Variants in ERBIN observed in about 807,000 individuals in gnomAD.
The protein encoded by ERBIN is densin-180-like protein.
Under a neutral mutation model 158.4 loss-of-function variants are expected in ERBIN, and 60 were observed. The observed-to-expected ratio is 0.38, with a 90% CI of 0.31 to 0.47. The LOEUF is 0.47. Ranked by LOEUF, ERBIN falls within the 20% of genes least tolerant of loss-of-function variation. The pLI, the probability that ERBIN is intolerant of heterozygous loss-of-function variation, is 0.99. For missense variants in ERBIN, 1,610 were observed against 1,648.0 expected (o/e 0.98, Z 0.40); for synonymous variants, 594 against 557.2 (o/e 1.07, Z -0.93).
Position 66,072,150 on chromosome 5 carries a change from T to C in ERBIN, c.3634-19T>C. ...CTTAAAGAACATTATTTGTTTACTT[T>C]TTATTTCCTGCTCATTAGAAGCATC... On this transcript the variant is annotated intron_variant, in intron 21 of 25. Transcript: ENST00000284037. The C allele has an allele frequency of 1.3e-6, 2 of 1,545,736 alleles. No individual in the cohort carries two copies. The highest frequency in any genetic ancestry group is 1.7e-6 in the Non-Finnish European group (2 of 1,145,176).
chr5:66,044,713 C>G (rs1240393384), intron 17 of ERBIN, among the ~76,000 whole-genome samples: 1 of 151,370 alleles, frequency 6.6e-6, no homozygotes, highest in African/African-American at 2.4e-5. Context: ...TGCAGTGAGC[C>G]GAGATCGTAC....
chr5:65,944,236 C>T (rs1745460721), intron 1 of ERBIN, among the ~76,000 whole-genome samples: 1 of 138,542 alleles, frequency 7.2e-6, no homozygotes, highest in Non-Finnish European at 1.5e-5. Context: ...AAGGAACCAC[C>T]ATATTGTTTT....
At chr5:65,985,381 C>T (rs1477696203) in intron 1 of ERBIN, among the ~76,000 whole-genome samples, 4 of 152,256 alleles carry the variant, frequency 2.6e-5, no homozygotes, top group African/African-American at 4.8e-5. Flanking sequence ...TGAGCCACCA[C>T]GCCCGGCCCG....
In ERBIN at chr5:66,079,265, A is replaced by G. The variant is rs1229558970; in HGVS notation, c.*735A>G. 1 of 152,472 alleles carries G rather than the reference A, an allele frequency of 6.6e-6. No homozygotes were observed. Among genetic ancestry groups the G allele is most frequent in the African/African-American group, 2.4e-5 (1 of 41,408 alleles). The allele number at this position is 152,472 out of a possible 1,614,324, so 9.4% of individuals were successfully genotyped here. A position where few individuals can be genotyped will look rare whatever the true frequency, so the allele number is the denominator to read the frequency against. On this transcript the variant is annotated 3_prime_UTR_variant, in exon 26 of 26. Coordinates refer to ENST00000284037, the MANE Select transcript of ERBIN (RefSeq NM_001253697.2). ...TCTGTTCTTGTCATAGCCATTGACT[A>G]TACATTTGCTACTGGTGATTCAGTT...
chr5:65,987,510 C>T (rs1435087506), intron 1 of ERBIN, among the ~76,000 whole-genome samples: 3 of 151,848 alleles, frequency 2.0e-5, no homozygotes, highest in East Asian at 1.9e-4. Flanking sequence ...TGAAGTGAGC[C>T]GTGATTGTGC....
intron 21 of ERBIN, among the ~76,000 whole-genome samples, chr5:66,062,770 C>T (rs1322268895): frequency 6.6e-6 from 1 of 152,202 alleles, no homozygotes; most frequent in Non-Finnish European, 1.5e-5. Context: ...TCACAACCCT[C>T]AGCTGCAGGT....
At chr5:66,017,541 T>C (rs921772396) in intron 7 of ERBIN, among the ~76,000 whole-genome samples, 1 of 150,070 alleles carries the variant, frequency 6.7e-6, no homozygotes, top group Non-Finnish European at 1.5e-5. Context: ...TTTTTGCTAT[T>C]GATTTGTTGA....
At chr5:66,042,850 C>T (rs79990014) in intron 15 of ERBIN, among the ~76,000 whole-genome samples, 2,643 of 152,114 alleles carry the variant, frequency 0.017, 73 homozygotes, top group African/African-American at 0.059. Context: ...CAAGACGAAT[C>T]AGCTTCAGGG....
intron 14 of ERBIN, among the ~76,000 whole-genome samples, chr5:66,031,122 A>G (rs965645301): frequency 2.0e-5 from 3 of 152,190 alleles, no homozygotes; most frequent in Non-Finnish European, 4.4e-5. Context: ...ATATGAAGCA[A>G]TAATTTTGCT....
intron 1 of ERBIN, among the ~76,000 whole-genome samples, chr5:65,929,675 C>T (rs979284941): frequency 7.5e-6 from 1 of 132,662 alleles, no homozygotes; most frequent in Admixed American, 8.4e-5. Context: ...GAGTCTTGCT[C>T]TGTTGCCTAG....
At chr5:66,025,705 C>T in intron 11 of ERBIN, 143 bp from the exon 12 acceptor site, 1 of 850,132 alleles carries the variant, frequency 1.2e-6, no homozygotes, top group Non-Finnish European at 1.8e-6. Flanking sequence ...ATAGACAAAC[C>T]TACTTATTGG....
intron 21 of ERBIN, among the ~76,000 whole-genome samples, chr5:66,069,204 G>A (rs1314262805): frequency 6.6e-6 from 1 of 152,150 alleles, no homozygotes; most frequent in African/African-American, 2.4e-5. Flanking sequence ...TATCTCCTGA[G>A]TTTCTTTGGT....
In ERBIN at chr5:65,965,220, T is replaced by TTGGGTTC. The variant is rs1248710689; in HGVS notation, c.-57-23412_-57-23406dup. ...TTTATAAGGTGGGTACTTGGTCTGT[T>TTGGGTTC]TGGGTTCTGTGATGTCATCTTACAT... On this transcript the variant is annotated intron_variant, in intron 1 of 25. Transcript: ENST00000284037. 3.9e-5 allele frequency among the ~76,000 whole-genome samples: 6 copies of TTGGGTTC among 151,994 alleles called. No individual in the cohort carries two copies. The South Asian group carries it at 6.2e-4, about 16-fold the overall frequency.
At chr5:66,010,084 A>C (rs1038293747) in intron 4 of ERBIN, among the ~76,000 whole-genome samples, 1 of 152,024 alleles carries the variant, frequency 6.6e-6, no homozygotes, top group Non-Finnish European at 1.5e-5. Flanking sequence ...TGACATCCTC[A>C]CAAACACTTG....
chr5:65,979,847 TAAC>T (rs1050729155), intron 1 of ERBIN, among the ~76,000 whole-genome samples: 17 of 152,146 alleles, frequency 1.1e-4, no homozygotes, highest in African/African-American at 4.1e-4. Context: ...AAGACAAAAA[TAAC>T]AATGTATTAT....
chr5:66,050,973 G>A lies in ERBIN; in HGVS notation c.2087+7G>A. 1.3e-6 allele frequency: 2 copies of A among 1,584,614 alleles called. No individual in the cohort carries two copies. The highest frequency in any genetic ancestry group is 1.7e-6 in the Non-Finnish European group (2 of 1,165,860). ...ATATTAATTCCAAAATCAGGTGTGT[G>A]AACCTCTTTTACAGTTTTTTATTTA... On this transcript the variant is annotated splice_region_variant and intron_variant, in intron 20 of 25. Transcript: ENST00000284037.
In ERBIN at chr5:65,969,856, T is replaced by G. The variant is rs1443793418; in HGVS notation, c.-57-18779T>G. 2.0e-5 allele frequency among the ~76,000 whole-genome samples: 3 copies of G among 152,216 alleles called. No homozygotes were observed. The East Asian group carries it at 5.8e-4, about 29-fold the overall frequency. On this transcript the variant is annotated intron_variant, in intron 1 of 25. Transcript: ENST00000284037. ...TGTTCAAATATCTTAGCTTTTCAGT[T>G]CTGTTTGTTCCAAGGTGGTCATATA... is the stretch of plus-strand genomic sequence containing the variant.
chr5:65,969,640 G>A (rs1749030924), intron 1 of ERBIN, among the ~76,000 whole-genome samples: 1 of 152,072 alleles, frequency 6.6e-6, no homozygotes, highest in South Asian at 2.1e-4. Context: ...TTTGTTATCT[G>A]GGAATTCCTT....
intron 7 of ERBIN, among the ~76,000 whole-genome samples, chr5:66,018,441 A>AATATAATATATATTATAAT (rs1755038512): frequency 3.8e-5 from 2 of 53,166 alleles, no homozygotes; most frequent in African/African-American, 1.4e-4. Context: ...TGATATATAT[A>AATATAATATATATTATAAT]ATATAATATA....
Sources: allele counts gnomAD v4.1 joint callset (sites outside exome capture counted in the v4.1 genomes callset), GRCh38; gene constraint gnomAD v4.1.1; transcripts MANE v1.5; gene names NCBI Gene and HGNC (gene_info 2026-07-23, HGNC 2026-07-21).